Variants in COA1 observed in about 807,000 individuals in gnomAD.
COA1 encodes cytochrome c oxidase assembly factor 1 homolog.
Under a neutral mutation model 16.0 loss-of-function variants are expected in COA1, and 13 were observed. The ratio of observed to expected loss-of-function variants is 0.81; its 90% CI spans 0.53 to 1.29. The LOEUF is 1.29. Among genes scored for constraint, COA1 ranks in the 50% most tolerant of loss-of-function variants. COA1 has a pLI of 0.00. For missense variants in COA1, 179 were observed against 177.0 expected (o/e 1.01, Z -0.06); for synonymous variants, 65 against 65.7 (o/e 0.99, Z 0.05).
intron 6 of COA1, chr7:43,623,447 C>T (rs2153021522): frequency 2.7e-6 from 2 of 735,102 alleles, no homozygotes; most frequent in Non-Finnish European, 4.5e-6. Flanking sequence ...TTATGGTAAC[C>T]TTTCATTTTA....
chr7:43,668,008 A>G (rs1332096727), intron 1 of COA1, among the ~76,000 whole-genome samples: 1 of 151,712 alleles, frequency 6.6e-6, no homozygotes, highest in African/African-American at 2.4e-5. Flanking sequence ...CATCAGTGCA[A>G]TAAGAATCCA....
intron 1 of COA1, among the ~76,000 whole-genome samples, chr7:43,655,582 A>C (rs1254810699): frequency 6.6e-6 from 1 of 152,172 alleles, no homozygotes; most frequent in African/African-American, 2.4e-5. Flanking sequence ...GAATCGTTTG[A>C]ATCCTGGAGT....
At chr7:43,654,581 G>GA (rs60418330) in intron 1 of COA1, among the ~76,000 whole-genome samples, 6 of 150,084 alleles carry the variant, frequency 4.0e-5, no homozygotes, top group Admixed American at 6.6e-5. Flanking sequence ...GGAAGTTATT[G>GA]AAAAAAAAAT....
chr7:43,623,356 C>T, intron 6 of COA1: 1 of 517,474 alleles, frequency 1.9e-6, no homozygotes, highest in Non-Finnish European at 3.4e-6. Flanking sequence ...ACTAGGGACT[C>T]AACAATGGTG....
intron 1 of COA1, among the ~76,000 whole-genome samples, chr7:43,703,569 T>C (rs2094843413): frequency 6.6e-6 from 1 of 152,224 alleles, no homozygotes; most frequent in Middle Eastern, 3.2e-3. Context: ...AATTGAATCT[T>C]TTATCATCCA....
chr7:43,688,558 A>C (rs1289221508), intron 1 of COA1, among the ~76,000 whole-genome samples: 1 of 152,204 alleles, frequency 6.6e-6, no homozygotes, highest in Non-Finnish European at 1.5e-5. Flanking sequence ...GTTCAGCTGC[A>C]TGCAGCCACA....
chr7:43,608,521 G>A (rs1199818141), exon 7 of COA1: 26 of 1,215,820 alleles, frequency 2.1e-5, no homozygotes, highest in Non-Finnish European at 2.8e-5. Context: ...AAGGATATTA[G>A]AATTGAGTCT....
intron 1 of COA1, among the ~76,000 whole-genome samples, chr7:43,726,978 T>C (rs898972313): frequency 2.6e-5 from 4 of 152,170 alleles, no homozygotes; most frequent in Admixed American, 2.6e-4. Flanking sequence ...GAAACCATAA[T>C]ATTTTCAAAA....
intron 1 of COA1, among the ~76,000 whole-genome samples, chr7:43,652,104 G>C (rs993964964): frequency 6.6e-6 from 1 of 152,190 alleles, no homozygotes; most frequent in Non-Finnish European, 1.5e-5. Flanking sequence ...TCAAGTAGTC[G>C]CAATCTGCAG....
At chr7:43,672,755 C>T (rs6951609) in intron 1 of COA1, among the ~76,000 whole-genome samples, 1,815 of 143,006 alleles carry the variant, frequency 0.013, 37 homozygotes, top group African/African-American at 0.045. Context: ...GACAACAGAG[C>T]GAGGCTCCAT....
At chr7:43,641,227 G>A (rs892859615) in intron 4 of COA1, among the ~76,000 whole-genome samples, 7 of 151,512 alleles carry the variant, frequency 4.6e-5, no homozygotes, top group Non-Finnish European at 1.0e-4. Context: ...TCTAGATAAC[G>A]GCTTGAGTGA....
chr7:43,710,560 G>A (rs1029948289), intron 1 of COA1, among the ~76,000 whole-genome samples: 1 of 151,644 alleles, frequency 6.6e-6, no homozygotes, highest in Non-Finnish European at 1.5e-5. Flanking sequence ...ATGATTCCCA[G>A]ATGTCTGGCT....
At chr7:43,687,622 T>G (rs1053789841) in intron 1 of COA1, among the ~76,000 whole-genome samples, 6 of 152,302 alleles carry the variant, frequency 3.9e-5, no homozygotes, top group African/African-American at 1.4e-4. Context: ...AAATTGACAT[T>G]AAAGTTCAAA....
In COA1 at chr7:43,648,608, A is replaced by G. The variant is rs1300534563; in HGVS notation, c.7T>C (p.Trp3Arg). Residue 3 changes from tryptophan (W) to arginine (R), a missense_variant, in exon 2 of 6, where the codon TGG becomes CGG. Trp to Arg is a moderately radical substitution (Grantham distance 101). Transcript: ENST00000223336. MM[W>R]QKYAGSRRSM... Reference sequence around the variant, plus strand: ...CTGGAACATTCCATTACCTTTTGCCACATCATAGCACAACTCTCTTGAAAA... The same window carrying G: ...CTGGAACATTCCATTACCTTTTGCCGCATCATAGCACAACTCTCTTGAAAA... The G allele has an allele frequency of 6.2e-7, 1 of 1,614,000 alleles. No homozygotes were observed. The highest frequency in any genetic ancestry group is 1.3e-5 in the African/African-American group (1 of 74,930).
At chr7:43,718,908 G>A (rs145087453) in intron 1 of COA1, among the ~76,000 whole-genome samples, 1 of 151,704 alleles carries the variant, frequency 6.6e-6, no homozygotes, top group East Asian at 1.9e-4. Context: ...GGTTTTTACT[G>A]CAGTTTTAAT....
intron 1 of COA1, among the ~76,000 whole-genome samples, chr7:43,718,972 CATT>C (rs1563479535): frequency 4.7e-5 from 4 of 85,294 alleles, no homozygotes; most frequent in Non-Finnish European, 6.5e-5. Flanking sequence ...CAGGAATCTA[CATT>C]TTTTTTTTTT....
downstream of COA1, among the ~76,000 whole-genome samples, chr7:43,634,279 G>T (rs1241222771): frequency 2.0e-5 from 3 of 152,106 alleles, no homozygotes; most frequent in African/African-American, 7.2e-5. Context: ...CTGCCCATTT[G>T]GGTTTGAGAC....
At chr7:43,630,642 T>A (rs759347202) in intron 6 of COA1, among the ~76,000 whole-genome samples, 12 of 152,194 alleles carry the variant, frequency 7.9e-5, no homozygotes, top group Non-Finnish European at 1.8e-4. Context: ...AATACTTTCA[T>A]CCTATACTTT....
chr7:43,647,276 GACTGAAAGCCCATCGT>G, intron 3 of COA1: 1 of 532,078 alleles, frequency 1.9e-6, no homozygotes, highest in East Asian at 3.0e-5. Context: ...GTGTGCACTG[GACTGAAAGCCCATCGT>G]GCTTTGCTGG....
Sources: gnomAD v4.1 joint callset for allele counts (sites outside exome capture counted in the v4.1 genomes callset) on GRCh38, gnomAD v4.1.1 for gene constraint, MANE v1.5 for transcripts, NCBI Gene and HGNC (gene_info 2026-07-23, HGNC 2026-07-21) for gene names.